TMC5: variants seen among roughly 807,000 people sequenced by gnomAD.
TMC5 encodes transmembrane channel-like protein 5.
TMC5 carries 86 observed loss-of-function variants against 110.5 expected under a neutral mutation model. The observed-to-expected ratio is 0.78, with a 90% CI of 0.65 to 0.93. The LOEUF is 0.93. Ranked by LOEUF, TMC5 falls within the 40% of genes least tolerant of loss-of-function variation. The pLI is 0.00. For synonymous variants in TMC5, 455 were observed against 439.5 expected (o/e 1.04, Z -0.44); for missense variants, 1,144 against 1,222.8 (o/e 0.94, Z 0.96).
At chr16:19,481,533 C>A in intron 15 of TMC5, 68 bp downstream of exon 15, 2 of 1,151,006 alleles carry the variant, frequency 1.7e-6, no homozygotes, top group Non-Finnish European at 2.6e-6. Context: ...GTTTTGGTGG[C>A]AAAGTCCCAG....
At chr16:19,432,090 A>T (rs1012204455) in intron 2 of TMC5, among the ~76,000 whole-genome samples, 1 of 152,020 alleles carries the variant, frequency 6.6e-6, no homozygotes, top group Non-Finnish European at 1.5e-5. Context: ...TGAGGCGGGG[A>T]GAAGTGGGAG....
chr16:19,440,968 C>A (rs778603135), intron 3 of TMC5, 142 bp downstream of exon 3: 3 of 808,850 alleles, frequency 3.7e-6, no homozygotes, highest in Non-Finnish European at 5.8e-6. Flanking sequence ...AATGCGCATA[C>A]CTATCTGTAG....
chr16:19,415,486 C>A (rs754862570), upstream of TMC5, among the ~76,000 whole-genome samples: 8 of 152,164 alleles, frequency 5.3e-5, no homozygotes, highest in Non-Finnish European at 1.2e-4. Context: ...TACTGCTAAA[C>A]ACCCTACAAT....
chr16:19,443,268 A>C (rs918194845), intron 3 of TMC5, among the ~76,000 whole-genome samples: 3 of 152,212 alleles, frequency 2.0e-5, no homozygotes, highest in African/African-American at 7.2e-5. Context: ...TAAATTGAGA[A>C]TCATTACTCA....
At chr16:19,447,773 C>T (rs999942664) in intron 4 of TMC5, among the ~76,000 whole-genome samples, 2 of 151,910 alleles carry the variant, frequency 1.3e-5, no homozygotes, top group South Asian at 2.1e-4. Flanking sequence ...AAGCTGGTCT[C>T]AAACTCCTGT....
intron 4 of TMC5, 109 bp from the exon 5 acceptor site, chr16:19,449,433 A>G: frequency 1.1e-6 from 1 of 882,270 alleles, no homozygotes; most frequent in Non-Finnish European, 1.9e-6. Flanking sequence ...ACCAGGTCTC[A>G]GTCTTATTAG....
intron 6 of TMC5, among the ~76,000 whole-genome samples, chr16:19,460,780 C>A (rs1246483838): frequency 1.3e-5 from 2 of 152,200 alleles, no homozygotes; most frequent in Non-Finnish European, 2.9e-5. Flanking sequence ...CTACAAAATA[C>A]TCAACCAGTA....
At chr16:19,487,638 G>A (rs573212594) in intron 17 of TMC5, among the ~76,000 whole-genome samples, 2 of 152,010 alleles carry the variant, frequency 1.3e-5, no homozygotes, top group African/African-American at 4.8e-5. Flanking sequence ...GGAGGTGGAG[G>A]TTGCAGTGAG....
intron 1 of TMC5, among the ~76,000 whole-genome samples, chr16:19,422,488 T>G (rs574624313): frequency 1.7e-4 from 26 of 152,238 alleles, no homozygotes; most frequent in Non-Finnish European, 3.2e-4. Context: ...TTTAAGTACT[T>G]ACTTAATTTA....
chr16:19,497,889 C>T (rs377333152), intron 21 of TMC5, 31 bp from the exon 22 acceptor site: 18 of 1,611,042 alleles, frequency 1.1e-5, no homozygotes, highest in African/African-American at 8.0e-5. Flanking sequence ...AGTGTGCCTG[C>T]GTTAACTTCT....
chr16:19,434,045 A>AAT (rs1263715931), intron 2 of TMC5, among the ~76,000 whole-genome samples: 1 of 6,654 alleles, frequency 1.5e-4, no homozygotes, highest in Non-Finnish European at 3.2e-4. Flanking sequence ...TTATATATAT[A>AAT]ATATATATAA....
intron 3 of TMC5, 33 bp downstream of exon 3, chr16:19,440,859 T>G: frequency 6.3e-7 from 1 of 1,582,800 alleles, no homozygotes; most frequent in South Asian, 1.1e-5. Flanking sequence ...TCACTGGGAG[T>G]GGATGCTGAG....
At chr16:19,495,631 T>C (rs1290929752) in intron 20 of TMC5, among the ~76,000 whole-genome samples, 1 of 152,090 alleles carries the variant, frequency 6.6e-6, no homozygotes, top group African/African-American at 2.4e-5. Flanking sequence ...AGGGGAGGAC[T>C]GCTTGAGGCC....
chr16:19,425,123 C>T (rs1214526029), intron 1 of TMC5, among the ~76,000 whole-genome samples: 9 of 152,086 alleles, frequency 5.9e-5, no homozygotes, highest in South Asian at 2.1e-4. Flanking sequence ...GAGCCTGTGC[C>T]GGAAACCTGG....
At chr16:19,420,916 T>A (rs1054671559) in intron 1 of TMC5, among the ~76,000 whole-genome samples, 2 of 152,212 alleles carry the variant, frequency 1.3e-5, no homozygotes, top group Non-Finnish European at 2.9e-5. Flanking sequence ...AATGGAATTT[T>A]ATCCTGTGTC....
chr16:19,496,887 C>CAAAAAAAAAAAAAAAAAAA (rs67040638), intron 20 of TMC5, among the ~76,000 whole-genome samples: 7 of 80,244 alleles, frequency 8.7e-5, no homozygotes, highest in African/African-American at 3.6e-4. Flanking sequence ...AAGACTCTGT[C>CAAAAAAAAAAAAAAAAAAA]AAAAAAAAAA....
In TMC5 at chr16:19,497,128, G is replaced by C. The variant is rs1597225540; in HGVS notation, c.2939G>C (p.Gly980Ala). ...VLERREVEQQ[G>A]FLHLGEHDGS... ...TGTTTTTTTCTTTTTCAGCAACAAGGCTTTTTGCATTTGGGGGAACATGAT... is the reference window on the plus strand; with the variant it reads ...TGTTTTTTTCTTTTTCAGCAACAAGCCTTTTTGCATTTGGGGGAACATGAT... The change falls in exon 21 of 22, where the codon GGC becomes GCC. Residue 980 changes from glycine (G) to alanine (A), a missense_variant. Transcript: ENST00000542583. The C allele has an allele frequency of 6.2e-7, 1 of 1,613,810 alleles. No individual in the cohort carries two copies. The highest frequency in any genetic ancestry group is 8.5e-7 in the Non-Finnish European group (1 of 1,179,928).
Position 19,440,319 on chromosome 16 carries a change from C to T in TMC5, c.281C>T (p.Ala94Val), listed in dbSNP as rs765635364. The T allele has an allele frequency of 1.9e-6, 3 of 1,614,132 alleles. No individual in the cohort carries two copies. In the Admixed American group the frequency reaches 5.0e-5, roughly 27 times the overall value. ...ACCAGAAGCAATGCATACTCTGCAG[C>T]CTCTAGAACAAGCCCAGACCATCCT... ...SGTRSNAYSA[A>V]SRTSPDHPTS... Residue 94 changes from alanine (A) to valine (V), a missense_variant, in exon 3 of 22, where the codon GCC becomes GTC. Transcript: ENST00000542583.
intron 5 of TMC5, chr16:19,456,619 G>A: frequency 6.6e-7 from 1 of 1,520,150 alleles, no homozygotes; most frequent in Non-Finnish European, 8.8e-7. Context: ...CTTTTTCCCT[G>A]CGAGTCCCAA....
Sources: allele counts gnomAD v4.1 joint callset (sites outside exome capture counted in the v4.1 genomes callset), GRCh38; gene constraint gnomAD v4.1.1; transcripts MANE v1.5; gene names NCBI Gene and HGNC (gene_info 2026-07-23, HGNC 2026-07-21).